PLEKHA6: variants seen among roughly 807,000 people sequenced by gnomAD.
PLEKHA6 encodes pleckstrin homology domain-containing family A member 6.
Under a neutral mutation model 116.7 loss-of-function variants are expected in PLEKHA6, and 60 were observed. The ratio of observed to expected loss-of-function variants is 0.51; its 90% confidence interval spans 0.42 to 0.64. PLEKHA6 has a LOEUF of 0.64. PLEKHA6 is among the 30% of genes least tolerant of loss of function. PLEKHA6 has a pLI of 0.00. For missense variants in PLEKHA6, 1,338 were observed against 1,422.7 expected (o/e 0.94, Z 0.96); for synonymous variants, 489 against 556.1 (o/e 0.88, Z 1.70).
chr1:204,267,402 G>T, intron 5 of PLEKHA6, 73 bp downstream of exon 5: 1 of 1,338,960 alleles, frequency 7.5e-7, no homozygotes, highest in South Asian at 1.2e-5. Flanking sequence ...CAAGCTCGGG[G>T]ATATGGCAGA....
At chr1:204,325,993 T>A (rs1462618539) in intron 1 of PLEKHA6, 1 of 706,346 alleles carries the variant, frequency 1.4e-6, no homozygotes, top group Non-Finnish European at 1.7e-6. Context: ...CAAGCCCCAT[T>A]CCTCACCCTG....
intron 1 of PLEKHA6, among the ~76,000 whole-genome samples, chr1:204,305,173 C>T (rs1671175194): frequency 6.6e-6 from 1 of 152,132 alleles, no homozygotes; most frequent in Non-Finnish European, 1.5e-5. Context: ...GATGAGGGGG[C>T]CCAGAGAGGA....
chr1:204,359,610 G>A (rs1031613200), intron 1 of PLEKHA6, 84 bp downstream of exon 1: 16 of 985,316 alleles, frequency 1.6e-5, no homozygotes, highest in African/African-American at 1.0e-4. Context: ...AGGCTCACGC[G>A]GCAGACAGGC....
At chr1:204,232,129 T>C (rs919657846) in intron 17 of PLEKHA6, among the ~76,000 whole-genome samples, 10 of 152,182 alleles carry the variant, frequency 6.6e-5, no homozygotes, top group African/African-American at 1.9e-4. Context: ...GAAGTGTGGA[T>C]ATATTGTTTT....
intron 4 of PLEKHA6, among the ~76,000 whole-genome samples, chr1:204,267,785 G>A (rs1368066372): frequency 1.3e-5 from 2 of 152,172 alleles, no homozygotes; most frequent in African/African-American, 2.4e-5. Flanking sequence ...GGATAACAGG[G>A]GCAAGAGATG....
Position 204,241,377 on chromosome 1 carries a change from G to T in PLEKHA6, c.2407C>A (p.Gln803Lys). 1 of 1,599,104 alleles carries T rather than the reference G, an allele frequency of 6.3e-7. No individual in the cohort carries two copies. Among genetic ancestry groups the T allele is most frequent in the Non-Finnish European group, 8.6e-7 (1 of 1,168,156 alleles). The change falls in exon 17 of 23, where the codon CAG becomes AAG. Residue 803 changes from glutamine to lysine, a missense_variant and splice_region_variant. By Grantham distance (53) the Gln-to-Lys change is moderately conservative. This residue lies in a region of PLEKHA6 where 1,136 missense variants were observed against 1,163.6 expected (regional missense o/e 0.98). Transcript: ENST00000272203. The part of the protein sequence containing the change: ...ASGLTNGLSS[Q>K]ERPKSAVFPG... ...CATGAGCTTGCAGAGGTACCCACCT[G>T]GGAGGAGAGTCCATTGGTGAGCCCA...
At chr1:204,321,445 C>G (rs1287431889) in intron 1 of PLEKHA6, among the ~76,000 whole-genome samples, 1 of 151,618 alleles carries the variant, frequency 6.6e-6, no homozygotes. Flanking sequence ...CCCTACTGCC[C>G]CCCTGCAGTG....
chr1:204,341,406 A>G (rs1341700165), intron 1 of PLEKHA6, among the ~76,000 whole-genome samples: 2 of 152,054 alleles, frequency 1.3e-5, no homozygotes, highest in Non-Finnish European at 2.9e-5. Context: ...ACTGGTGACT[A>G]CTCCAACTTC....
At chr1:204,315,214 C>T (rs1314222249) in intron 1 of PLEKHA6, among the ~76,000 whole-genome samples, 1 of 152,178 alleles carries the variant, frequency 6.6e-6, no homozygotes, top group Admixed American at 6.5e-5. Context: ...CCTCCACTGG[C>T]TATGGCTCAA....
chr1:204,331,220 A>AG (rs1252752545), intron 1 of PLEKHA6, among the ~76,000 whole-genome samples: 21 of 146,496 alleles, frequency 1.4e-4, no homozygotes, highest in Non-Finnish European at 2.7e-4. Flanking sequence ...AAAAAAAAAA[A>AG]GGAATGAGCA....
At chr1:204,328,675 T>C (rs973375356) in intron 1 of PLEKHA6, among the ~76,000 whole-genome samples, 2 of 152,248 alleles carry the variant, frequency 1.3e-5, no homozygotes, top group African/African-American at 4.8e-5. Flanking sequence ...CTTGAGCCAC[T>C]GTGCCCGGCC....
chr1:204,263,513 G>A (rs947964089), intron 6 of PLEKHA6, among the ~76,000 whole-genome samples: 6 of 152,110 alleles, frequency 3.9e-5, no homozygotes, highest in South Asian at 2.1e-4. Context: ...GTGGGCCACC[G>A]AGCACAGCCC....
At chr1:204,316,319 G>A (rs1671856825) in intron 1 of PLEKHA6, among the ~76,000 whole-genome samples, 1 of 152,242 alleles carries the variant, frequency 6.6e-6, no homozygotes, top group African/African-American at 2.4e-5. Context: ...TACAGGATGT[G>A]GAGAGTGGGT....
At chr1:204,234,410 T>G (rs1289854153) in intron 17 of PLEKHA6, among the ~76,000 whole-genome samples, 1 of 152,176 alleles carries the variant, frequency 6.6e-6, no homozygotes, top group Non-Finnish European at 1.5e-5. Flanking sequence ...GCCTCCTGGT[T>G]TGTGGTAATT....
At chr1:204,314,838 G>T (rs1351830214) in intron 1 of PLEKHA6, among the ~76,000 whole-genome samples, 1 of 152,148 alleles carries the variant, frequency 6.6e-6, no homozygotes, top group South Asian at 2.1e-4. Context: ...GCTGGTATTT[G>T]GGGAGTAGGG....
At chr1:204,357,826 C>T (rs966278286) in intron 1 of PLEKHA6, among the ~76,000 whole-genome samples, 4 of 152,250 alleles carry the variant, frequency 2.6e-5, no homozygotes, top group African/African-American at 9.6e-5. Context: ...AGAGCTCGCT[C>T]TATGAGCCCG....
intron 1 of PLEKHA6, among the ~76,000 whole-genome samples, chr1:204,345,691 C>T (rs1303589408): frequency 6.6e-6 from 1 of 151,914 alleles, no homozygotes; most frequent in Non-Finnish European, 1.5e-5. Flanking sequence ...CCTGAAAGAA[C>T]AGCAGGGCCA....
At chr1:204,279,395 A>G (rs1668362953) in intron 1 of PLEKHA6, among the ~76,000 whole-genome samples, 1 of 152,204 alleles carries the variant, frequency 6.6e-6, no homozygotes, top group Non-Finnish European at 1.5e-5. Flanking sequence ...TAAACTGCAG[A>G]GTATGGCAAA....
At chr1:204,294,994 C>G (rs1670132961) in intron 1 of PLEKHA6, among the ~76,000 whole-genome samples, 1 of 152,158 alleles carries the variant, frequency 6.6e-6, no homozygotes, top group Non-Finnish European at 1.5e-5. Context: ...ATAATTTGTT[C>G]CTAAAGAAGT....
Sources: gnomAD v4.1 joint callset for allele counts (sites outside exome capture counted in the v4.1 genomes callset) on GRCh38, gnomAD v4.1.1 for gene constraint, gnomAD v4.1.1 regional missense constraint, MANE v1.5 for transcripts, NCBI Gene and HGNC (gene_info 2026-07-23, HGNC 2026-07-21) for gene names.